Variants in HS3ST5 observed in about 807,000 individuals in gnomAD.
The protein encoded by HS3ST5 is heparan sulfate-glucosamine 3-sulfotransferase 5.
Under a neutral mutation model 25.4 loss-of-function variants are expected in HS3ST5, and 10 were observed. That is an observed-to-expected ratio of 0.39 (90% confidence interval 0.24 to 0.67). The LOEUF (loss-of-function observed/expected upper bound fraction) is 0.67, where lower values mean the gene tolerates loss of function less well. Ranked by LOEUF, HS3ST5 falls within the 30% of genes least tolerant of loss-of-function variation. The probability of loss-of-function intolerance (pLI) is 0.44; values close to 1 mark genes in which losing one functional copy is unlikely to be tolerated. For synonymous variants in HS3ST5, 170 were observed against 162.4 expected (o/e 1.05, Z -0.36); for missense variants, 324 against 420.7 (o/e 0.77, Z 2.01).
Position 114,057,252 on chromosome 6 carries a change from T to C in HS3ST5, c.*5A>G, listed in dbSNP as rs750329613. The C allele has an allele frequency of 4.3e-5, 68 of 1,597,368 alleles. No homozygotes were observed. Among genetic ancestry groups the C allele is most frequent in the Non-Finnish European group, 5.1e-5 (60 of 1,166,756 alleles). On this transcript the variant is annotated 3_prime_UTR_variant, in exon 5 of 5. Coordinates refer to ENST00000312719, the MANE Select transcript of HS3ST5 (RefSeq NM_153612.4). ...ACAACACATAGTGTTGTATGACATA[T>C]TATTTTAGGGCCAGTTCAATGTCCT... is the stretch of plus-strand genomic sequence containing the variant.
intron 1 of HS3ST5, among the ~76,000 whole-genome samples, chr6:114,239,516 CCT>C (rs1041991166): frequency 2.6e-5 from 4 of 152,196 alleles, no homozygotes; most frequent in African/African-American, 9.7e-5. Context: ...AAGGGTTAGA[CCT>C]CTGTCTCCTC....
chr6:114,229,966 G>C (rs1029909673), intron 1 of HS3ST5, among the ~76,000 whole-genome samples: 2 of 152,126 alleles, frequency 1.3e-5, no homozygotes, highest in Non-Finnish European at 2.9e-5. Context: ...CTTGCTGATA[G>C]AGGCATTTCT....
chr6:114,191,477 G>A (rs150603229), intron 2 of HS3ST5, among the ~76,000 whole-genome samples: 3 of 152,288 alleles, frequency 2.0e-5, no homozygotes, highest in East Asian at 1.9e-4. Flanking sequence ...TGTCACGTTA[G>A]GGCCAGGGAA....
intron 1 of HS3ST5, among the ~76,000 whole-genome samples, chr6:114,322,559 C>T (rs1776010985): frequency 6.6e-6 from 1 of 152,052 alleles, no homozygotes; most frequent in South Asian, 2.1e-4. Context: ...TATAAATTCC[C>T]TGTTGATAAT....
At chr6:114,086,257 A>G (rs1774819445) in intron 3 of HS3ST5, among the ~76,000 whole-genome samples, 1 of 152,210 alleles carries the variant, frequency 6.6e-6, no homozygotes. Flanking sequence ...AGGTGGGTCT[A>G]ATTTAATCAG....
intron 2 of HS3ST5, among the ~76,000 whole-genome samples, chr6:114,211,380 T>C (rs938546428): frequency 2.0e-5 from 3 of 152,198 alleles, no homozygotes; most frequent in African/African-American, 7.2e-5. Flanking sequence ...CTAACTTCCA[T>C]TGTGTGAGTT....
intron 1 of HS3ST5, among the ~76,000 whole-genome samples, chr6:114,300,338 A>G (rs1263887790): frequency 1.3e-5 from 2 of 152,184 alleles, no homozygotes; most frequent in Non-Finnish European, 2.9e-5. Flanking sequence ...AAAATGGGCT[A>G]AAGATTTGAA....
intron 3 of HS3ST5, among the ~76,000 whole-genome samples, chr6:114,104,026 T>G (rs1381992836): frequency 6.6e-6 from 1 of 151,996 alleles, no homozygotes; most frequent in Non-Finnish European, 1.5e-5. Flanking sequence ...CAAAGCACTC[T>G]TAAGTATTTC....
intron 3 of HS3ST5, among the ~76,000 whole-genome samples, chr6:114,072,638 C>T (rs1582566116): frequency 6.6e-6 from 1 of 152,226 alleles, no homozygotes; most frequent in South Asian, 2.1e-4. Context: ...ATTTCATATT[C>T]AGTCAATTCA....
intron 3 of HS3ST5, among the ~76,000 whole-genome samples, chr6:114,087,762 G>A (rs923951574): frequency 6.6e-6 from 1 of 152,094 alleles, no homozygotes; most frequent in Non-Finnish European, 1.5e-5. Context: ...CGACCACCAT[G>A]CTTCAAAACC....
intron 3 of HS3ST5, among the ~76,000 whole-genome samples, chr6:114,168,055 CACAA>C (rs1303963872): frequency 6.6e-6 from 1 of 151,848 alleles, no homozygotes; most frequent in African/African-American, 2.4e-5. Context: ...CAAACACACA[CACAA>C]ACAAAAAACA....
At chr6:114,083,036 T>TAA (rs893378508) in intron 3 of HS3ST5, among the ~76,000 whole-genome samples, 4 of 152,186 alleles carry the variant, frequency 2.6e-5, no homozygotes, top group African/African-American at 9.7e-5. Flanking sequence ...TGCTGAGAAT[T>TAA]AAAAAGAAAA....
At chr6:114,090,484 A>G (rs1775066313) in intron 3 of HS3ST5, among the ~76,000 whole-genome samples, 1 of 151,438 alleles carries the variant, frequency 6.6e-6, no homozygotes, top group Non-Finnish European at 1.5e-5. Flanking sequence ...TTCTGCACTT[A>G]TCTTTAATCC....
intron 3 of HS3ST5, among the ~76,000 whole-genome samples, chr6:114,167,920 A>G (rs1014005259): frequency 2.0e-5 from 3 of 152,130 alleles, no homozygotes; most frequent in African/African-American, 4.8e-5. Context: ...TCGAGAGTAA[A>G]CAGACCTAAA....
intron 2 of HS3ST5, among the ~76,000 whole-genome samples, chr6:114,206,845 T>C (rs932771326): frequency 6.6e-6 from 1 of 152,044 alleles, no homozygotes; most frequent in Non-Finnish European, 1.5e-5. Flanking sequence ...AAGCCTGGAG[T>C]TGCATACATA....
chr6:114,205,269 C>G (rs1220715575), intron 2 of HS3ST5, among the ~76,000 whole-genome samples: 2 of 152,076 alleles, frequency 1.3e-5, no homozygotes, highest in African/African-American at 4.8e-5. Flanking sequence ...GTTCCAATAA[C>G]CAGCCTATTA....
intron 2 of HS3ST5, among the ~76,000 whole-genome samples, chr6:114,175,024 G>T (rs1160378397): frequency 6.6e-6 from 1 of 152,052 alleles, no homozygotes; most frequent in African/African-American, 2.4e-5. Context: ...GTAGATAATA[G>T]GAGCATTGAA....
At chr6:114,241,256 CTTGCTTGGATAGT>C (rs1772112800) in intron 1 of HS3ST5, among the ~76,000 whole-genome samples, 1 of 147,112 alleles carries the variant, frequency 6.8e-6, no homozygotes, top group African/African-American at 2.5e-5. Flanking sequence ...TTTGATAAAA[CTTGCTTGGATAGT>C]TTAGCATGGA....
chr6:114,337,341 G>A (rs1381952055), intron 1 of HS3ST5, among the ~76,000 whole-genome samples: 2 of 152,170 alleles, frequency 1.3e-5, no homozygotes, highest in East Asian at 1.9e-4. Context: ...CCAAGTCTGA[G>A]CAGAATAAGT....
Sources: gnomAD v4.1 joint callset for allele counts (sites outside exome capture counted in the v4.1 genomes callset) on GRCh38, gnomAD v4.1.1 for gene constraint, MANE v1.5 for transcripts, NCBI Gene and HGNC (gene_info 2026-07-23, HGNC 2026-07-21) for gene names.